The following ZNF253 variants were observed in gnomAD, a reference collection of about 807,000 sequenced individuals.
ZNF253 encodes the protein zinc finger protein 253.
In ZNF253, 8 loss-of-function variants were observed where a neutral mutation model predicts 11.9. That is an observed-to-expected ratio of 0.67 (90% CI 0.40 to 1.22). ZNF253 has a LOEUF of 1.22. ZNF253 is among the 50% of genes most tolerant of loss of function. The pLI, the probability that ZNF253 is intolerant of heterozygous loss-of-function variation, is 0.01. For synonymous variants in ZNF253, 194 were observed against 194.9 expected (o/e 1.00, Z 0.04); for missense variants, 485 against 586.9 (o/e 0.83, Z 1.79).
At chr19:19,881,668 T>G (rs1485812061) in intron 3 of ZNF253, among the ~76,000 whole-genome samples, 2 of 146,376 alleles carry the variant, frequency 1.4e-5, no homozygotes, top group African/African-American at 2.5e-5. Flanking sequence ...AAAAAAAAAG[T>G]GTATGAAACC....
intron 1 of ZNF253, among the ~76,000 whole-genome samples, chr19:19,867,602 C>G (rs2063116933): frequency 6.6e-6 from 1 of 152,190 alleles, no homozygotes; most frequent in Admixed American, 6.5e-5. Context: ...CTTCTAAGCT[C>G]AGGCAATCCA....
At chr19:19,883,118 G>A (rs1330986039) in intron 3 of ZNF253, among the ~76,000 whole-genome samples, 1 of 152,078 alleles carries the variant, frequency 6.6e-6, no homozygotes, top group African/African-American at 2.4e-5. Flanking sequence ...TTTATCTTAA[G>A]TGAGCAGTCA....
At chr19:19,875,173 T>C (rs1348071686) in intron 1 of ZNF253, among the ~76,000 whole-genome samples, 1 of 152,164 alleles carries the variant, frequency 6.6e-6, no homozygotes, top group East Asian at 1.9e-4. Flanking sequence ...CTAGAGCTGG[T>C]GCTTAGAATT....
At position 19,891,569 on chromosome 19, in the gene ZNF253, G is replaced by A; in HGVS notation, c.322G>A (p.Asp108Asn). 1.2e-6 allele frequency: 2 copies of A among 1,613,996 alleles called. No individual in the cohort carries two copies. The highest frequency in any genetic ancestry group is 1.1e-5 in the South Asian group (1 of 91,058). The change falls in exon 4 of 4, where the codon GAC becomes AAC. Residue 108 changes from aspartate (D) to asparagine (N), a missense_variant. This residue lies in a region of ZNF253 where 218 missense variants were observed against 213.1 expected (regional missense o/e 1.02). Coordinates refer to ENST00000589717, the MANE Select transcript of ZNF253 (RefSeq NM_021047.3). ...MLRRYEECRH[D>N]NLQLKKGCKS... ...GAGAAGATATGAAGAATGCAGACAT[G>A]ACAATTTACAGTTAAAAAAAGGCTG... is the stretch of plus-strand genomic sequence containing the variant.
At chr19:19,883,443 T>A (rs1207330774) in intron 3 of ZNF253, among the ~76,000 whole-genome samples, 2 of 151,978 alleles carry the variant, frequency 1.3e-5, no homozygotes, top group Non-Finnish European at 2.9e-5. Flanking sequence ...GAGACCTCTC[T>A]CTATAAAAAA....
chr19:19,892,221 C>T lies in ZNF253; in HGVS notation c.974C>T (p.Ser325Phe). ...EECGKSFKHC[S>F]NLTIHKRIHT... ...TGTGGCAAATCCTTTAAGCACTGCT[C>T]TAACCTTACTATACATAAGAGAATT... Residue 325 changes from serine (S) to phenylalanine (F), a missense_variant, in exon 4 of 4, where the codon TCT becomes TTT. Physicochemically the swap from Ser to Phe is radical, Grantham distance 155. Transcript: ENST00000589717. 6.2e-7 allele frequency: 1 copy of T among 1,613,844 alleles called. No homozygotes were observed. The highest frequency in any genetic ancestry group is 8.5e-7 in the Non-Finnish European group (1 of 1,179,888).
At chr19:19,880,275 T>TC (rs2063172284) in intron 3 of ZNF253, 129 bp downstream of exon 3, 3 of 272,658 alleles carry the variant, frequency 1.1e-5, no homozygotes, top group Non-Finnish European at 1.9e-5. Context: ...GGGCAGCTGT[T>TC]TTTTTTTTTT....
chr19:19,868,615 A>G (rs1378057565), intron 1 of ZNF253, among the ~76,000 whole-genome samples: 1 of 151,894 alleles, frequency 6.6e-6, no homozygotes, highest in Non-Finnish European at 1.5e-5. Context: ...GCATTTTTTC[A>G]AGTGCATACA....
intron 1 of ZNF253, among the ~76,000 whole-genome samples, chr19:19,876,043 A>G (rs534459108): frequency 7.9e-4 from 121 of 152,354 alleles, no homozygotes; most frequent in African/African-American, 2.9e-3. Context: ...AAGAGCCAGC[A>G]AAGAATATAA....
At chr19:19,869,659 C>CCG (rs2063124800) in intron 1 of ZNF253, among the ~76,000 whole-genome samples, 1 of 128,772 alleles carries the variant, frequency 7.8e-6, no homozygotes, top group Non-Finnish European at 1.6e-5. Flanking sequence ...CCATGCCTGG[C>CCG]CTTTTTTTTT....
Position 19,892,847 on chromosome 19 carries a change from C to A in ZNF253, c.*100C>A, listed in dbSNP as rs1372676795. 3.5e-5 allele frequency: 39 copies of A among 1,106,066 alleles called. No individual in the cohort carries two copies. Among genetic ancestry groups the A allele is most frequent in the Non-Finnish European group, 4.4e-5 (34 of 771,114 alleles). 68.5% of individuals were successfully genotyped at this position (1,106,066 alleles called of 1,614,324 possible). On this transcript the variant is annotated 3_prime_UTR_variant, in exon 4 of 4. Coordinates refer to ENST00000589717, the MANE Select transcript of ZNF253 (RefSeq NM_021047.3). ...TTTGAGAGTTTATATGGAACACAAA[C>A]CCTACAAATATAAAGAATGTGACAA...
At position 19,885,239 on chromosome 19, in the gene ZNF253, C is replaced by CT. The variant is rs1485407396; in HGVS notation, c.226+5096dup. Among the ~76,000 whole-genome samples the CT allele has an allele frequency of 6.5e-5, 4 of 61,524 alleles. No individual in the cohort carries two copies. In the African/African-American group the frequency reaches 6.9e-4, roughly 11 times the overall value. The allele number at this position is 61,524 out of a possible 152,430, so 40.4% of individuals were successfully genotyped here. ...GTATTCTTTCTTTCTTTCTTTCTTT[C>CT]TTTCTTTCTTTCTTTCTTTCTTTCT... On this transcript the variant is annotated intron_variant, in intron 3 of 3. Transcript: ENST00000589717.
chr19:19,888,282 T>C (rs988855816), intron 3 of ZNF253, among the ~76,000 whole-genome samples: 2 of 152,158 alleles, frequency 1.3e-5, no homozygotes, highest in Non-Finnish European at 2.9e-5. Context: ...CACGCTGGTC[T>C]TGGACTCCTG....
chr19:19,887,276 T>G (rs2122134228), intron 3 of ZNF253, among the ~76,000 whole-genome samples: 1 of 151,934 alleles, frequency 6.6e-6, no homozygotes, highest in Middle Eastern at 3.4e-3. Context: ...CATTCTATTT[T>G]TTTATATATA....
intron 1 of ZNF253, among the ~76,000 whole-genome samples, chr19:19,868,519 G>A (rs1174923477): frequency 1.3e-5 from 2 of 151,886 alleles, no homozygotes; most frequent in East Asian, 3.9e-4. Context: ...CATTATTTCT[G>A]GGCTCTCTAT....
rs200823374 is a variant in ZNF253, at chr19:19,892,677, G to C, written c.1430G>C (p.Arg477Pro). The change falls in exon 4 of 4, where the codon CGA becomes CCA. Residue 477 changes from arginine to proline, a missense_variant. Arg to Pro is a moderately radical substitution (Grantham distance 103). This residue lies in a region of ZNF253 where 232 missense variants were observed against 321.4 expected (regional missense o/e 0.72). Coordinates refer to ENST00000589717, the MANE Select transcript of ZNF253 (RefSeq NM_021047.3). ...LNKHKKIHIE[R>P]KPYIVKNVTD... ...AAACATAAGAAAATTCATATTGAACGAAAACCCTACATAGTGAAGAATGTG... is the reference window on the plus strand; with the variant it reads ...AAACATAAGAAAATTCATATTGAACCAAAACCCTACATAGTGAAGAATGTG... 2 of 1,612,286 alleles carry C rather than the reference G, an allele frequency of 1.2e-6. No homozygotes were observed. Among genetic ancestry groups the C allele is most frequent in the Admixed American group, 1.7e-5 (1 of 59,678 alleles).
rs777888425 is a variant in ZNF253 at position 19,891,540 on chromosome 19, T to G, written c.293T>G (p.Met98Arg). 4.3e-6 allele frequency: 7 copies of G among 1,613,784 alleles called. No homozygotes were observed. The highest frequency in any genetic ancestry group is 5.1e-6 in the Non-Finnish European group (6 of 1,179,886). Reference protein sequence around the residue: ...ENIQNSFQIGMLRRYEECRHD... With the variant: ...ENIQNSFQIGRLRRYEECRHD... ...ATACAAAATTCTTTCCAAATAGGGATGCTGAGAAGATATGAAGAATGCAGA... is the reference window on the plus strand; with the variant it reads ...ATACAAAATTCTTTCCAAATAGGGAGGCTGAGAAGATATGAAGAATGCAGA... The change falls in exon 4 of 4, where the codon ATG becomes AGG. Residue 98 changes from methionine to arginine, a missense_variant. Physicochemically the swap from Met to Arg is moderately conservative, Grantham distance 91. Coordinates refer to ENST00000589717, the MANE Select transcript of ZNF253 (RefSeq NM_021047.3).
At position 19,892,940 on chromosome 19, in the gene ZNF253, G is replaced by A; in HGVS notation, c.*193G>A. The A allele has an allele frequency of 3.4e-6, 2 of 584,486 alleles. No homozygotes were observed. 36.2% of individuals were successfully genotyped at this position (584,486 alleles called of 1,614,324 possible). ...TACCAAACAGAAGCCCTACAAGTGT[G>A]AAGAATGTGGCAAAACCTATAAACC... On this transcript the variant is annotated 3_prime_UTR_variant, in exon 4 of 4. Transcript: ENST00000589717.
At chr19:19,882,666 T>C (rs114267591) in intron 3 of ZNF253, among the ~76,000 whole-genome samples, 8,216 of 152,188 alleles carry the variant, frequency 0.054, 422 homozygotes, top group East Asian at 0.17. Context: ...TTTAAGTCAA[T>C]TTGAGGTTTA....
Sources: gnomAD v4.1 joint callset for allele counts (sites outside exome capture counted in the v4.1 genomes callset) on GRCh38, gnomAD v4.1.1 for gene constraint, gnomAD v4.1.1 regional missense constraint, MANE v1.5 for transcripts, NCBI Gene and HGNC (gene_info 2026-07-23, HGNC 2026-07-21) for gene names.